The following OCIAD1 variants were observed in gnomAD, a reference collection of about 807,000 sequenced individuals.
OCIAD1 encodes OCIA domain containing 1.
In OCIAD1, 29 loss-of-function variants were observed where a neutral mutation model predicts 38.9. The ratio of observed to expected loss-of-function variants is 0.74; its 90% CI spans 0.55 to 1.02. The LOEUF (loss-of-function observed/expected upper bound fraction) is 1.02, where lower values mean the gene tolerates loss of function less well. Among genes scored for constraint, OCIAD1 ranks in the 50% least tolerant of loss-of-function variants. The pLI is 0.00. For missense variants in OCIAD1, 288 were observed against 289.6 expected, an observed-to-expected ratio of 0.99 and a Z score of 0.04; for synonymous variants, 110 against 92.0, an observed-to-expected ratio of 1.20 and a Z score of -1.12.
At chr4:48,818,129 A>T (rs1159498568) in intron 1 of OCIAD1, among the ~76,000 whole-genome samples, 1 of 152,196 alleles carries the variant, frequency 6.6e-6, no homozygotes, top group Admixed American at 6.5e-5. Flanking sequence ...CTGACTGGGA[A>T]TAACCTCCCA....
chr4:48,858,800 A>G (rs12512637), intron 8 of OCIAD1, among the ~76,000 whole-genome samples: 63,205 of 152,094 alleles, frequency 0.42, 14,480 homozygotes, highest in Admixed American at 0.58. Flanking sequence ...GCCAGCTTCT[A>G]AGGCATTTCT....
intron 1 of OCIAD1, among the ~76,000 whole-genome samples, 156 bp from the exon 2 acceptor site, chr4:48,832,464 T>G (rs976109138): frequency 9.2e-5 from 14 of 152,206 alleles, no homozygotes; most frequent in Non-Finnish European, 1.9e-4. Flanking sequence ...ATCTAGCTAT[T>G]TACATGTGGA....
chr4:48,810,005 G>A (rs995431375), intron 1 of OCIAD1, among the ~76,000 whole-genome samples: 1 of 152,066 alleles, frequency 6.6e-6, no homozygotes, highest in African/African-American at 2.4e-5. Flanking sequence ...CAGTGCTTTG[G>A]TCCCCTTGTT....
intron 3 of OCIAD1, 106 bp downstream of exon 3, chr4:48,833,587 G>A (rs1777725748): frequency 5.9e-6 from 4 of 675,930 alleles, no homozygotes; most frequent in African/African-American, 1.8e-5. Flanking sequence ...GAACAAATTG[G>A]CAAACTTTTT....
intron 3 of OCIAD1, among the ~76,000 whole-genome samples, chr4:48,841,979 A>C (rs998855082): frequency 6.6e-6 from 1 of 152,182 alleles, no homozygotes; most frequent in African/African-American, 2.4e-5. Context: ...TTACGGTCAA[A>C]TATGTTTTGT....
intron 1 of OCIAD1, among the ~76,000 whole-genome samples, chr4:48,806,255 A>G (rs1777022375): frequency 6.6e-6 from 1 of 152,114 alleles, no homozygotes; most frequent in Non-Finnish European, 1.5e-5. Flanking sequence ...TGACAGTGAC[A>G]CTCTGTCTCA....
upstream of OCIAD1, among the ~76,000 whole-genome samples, chr4:48,827,089 G>A (rs1256172358): frequency 6.6e-6 from 1 of 152,064 alleles, no homozygotes; most frequent in Admixed American, 6.6e-5. Flanking sequence ...TAAAACACAA[G>A]TTCTGCTCTA....
chr4:48,852,310 G>A, intron 7 of OCIAD1: 1 of 185,962 alleles, frequency 5.4e-6, no homozygotes, highest in Non-Finnish European at 1.1e-5. Context: ...GTGGAATAGT[G>A]AAGAAGAAAT....
intron 3 of OCIAD1, among the ~76,000 whole-genome samples, chr4:48,838,609 G>A (rs569566486): frequency 2.0e-5 from 3 of 152,236 alleles, no homozygotes; most frequent in South Asian, 4.1e-4. Context: ...TTGTACTTTC[G>A]AATTAGATAG....
At chr4:48,807,829 G>T (rs558761090) in intron 1 of OCIAD1, among the ~76,000 whole-genome samples, 3 of 152,098 alleles carry the variant, frequency 2.0e-5, no homozygotes, top group Non-Finnish European at 4.4e-5. Context: ...CTTCAAACGT[G>T]GGTGTTTCCC....
At chr4:48,834,730 T>C (rs1777824784) in intron 3 of OCIAD1, among the ~76,000 whole-genome samples, 1 of 152,082 alleles carries the variant, frequency 6.6e-6, no homozygotes, top group Non-Finnish European at 1.5e-5. Flanking sequence ...CAGTGAGCTA[T>C]GATCACATCA....
intron 4 of OCIAD1, among the ~76,000 whole-genome samples, chr4:48,847,367 G>T (rs1223287764): frequency 6.6e-6 from 1 of 151,988 alleles, no homozygotes; most frequent in African/African-American, 2.4e-5. Flanking sequence ...ATATAGATAT[G>T]GTGATTATTT....
chr4:48,853,957 T>A (rs1779764948), intron 7 of OCIAD1, among the ~76,000 whole-genome samples: 1 of 152,188 alleles, frequency 6.6e-6, no homozygotes, highest in Non-Finnish European at 1.5e-5. Context: ...TTTTATTTTT[T>A]TCTTTAATGG....
At chr4:48,823,626 TA>T (rs1437350096) in intron 1 of OCIAD1, among the ~76,000 whole-genome samples, 2 of 152,106 alleles carry the variant, frequency 1.3e-5, no homozygotes, top group Non-Finnish European at 2.9e-5. Flanking sequence ...TTTCCTTTTT[TA>T]AATGATGATC....
At chr4:48,858,714 C>T (rs1780323474) in intron 8 of OCIAD1, among the ~76,000 whole-genome samples, 1 of 152,192 alleles carries the variant, frequency 6.6e-6, no homozygotes, top group Admixed American at 6.5e-5. Flanking sequence ...CTTGGCCTCC[C>T]AGAATGCTGG....
At chr4:48,848,995 G>C (rs1345263978) in intron 5 of OCIAD1, among the ~76,000 whole-genome samples, 1 of 152,104 alleles carries the variant, frequency 6.6e-6, no homozygotes, top group Non-Finnish European at 1.5e-5. Context: ...GTCCTCTGTA[G>C]GGACATGGAT....
chr4:48,860,288 GTTTGT>G (rs2109639085), intron 8 of OCIAD1: 1 of 150,788 alleles, frequency 6.6e-6, no homozygotes, highest in South Asian at 2.1e-4. Context: ...AAATTCAAAT[GTTTGT>G]TTTATTATTT....
At chr4:48,850,941 T>A (rs1057388441) in intron 6 of OCIAD1, among the ~76,000 whole-genome samples, 5 of 152,220 alleles carry the variant, frequency 3.3e-5, no homozygotes, top group African/African-American at 1.2e-4. Context: ...GGATTTTATC[T>A]CGATTCAATT....
chr4:48,823,824 CTTT>C (rs71660459), intron 1 of OCIAD1, among the ~76,000 whole-genome samples: 1 of 70,130 alleles, frequency 1.4e-5, no homozygotes, highest in African/African-American at 5.9e-5. Flanking sequence ...CAATGCCTGG[CTTT>C]TTTTTTTTTT....
Sources: allele counts gnomAD v4.1 joint callset (sites outside exome capture counted in the v4.1 genomes callset), GRCh38; gene constraint gnomAD v4.1.1; transcripts MANE v1.5; gene names NCBI Gene and HGNC (gene_info 2026-07-23, HGNC 2026-07-21).